The following JAML variants were observed in gnomAD, a reference collection of about 807,000 sequenced individuals.
JAML encodes junctional adhesion molecule-like.
Under a neutral mutation model 39.3 loss-of-function variants are expected in JAML, and 25 were observed. The observed-to-expected ratio is 0.64, with a 90% CI of 0.46 to 0.89. The LOEUF (loss-of-function observed/expected upper bound fraction) is 0.89. Ranked by LOEUF, JAML falls within the 40% of genes least tolerant of loss-of-function variation. The pLI is 0.00. For missense variants in JAML, 440 were observed against 486.9 expected (o/e 0.90, Z 0.91); for synonymous variants, 162 against 179.2 (o/e 0.90, Z 0.77).
chr11:118,221,413 G>A (rs1306856145), intron 1 of JAML, among the ~76,000 whole-genome samples: 2 of 152,180 alleles, frequency 1.3e-5, no homozygotes, highest in Non-Finnish European at 2.9e-5. Context: ...GGGAGGGTGG[G>A]TGATGATTTG....
chr11:118,223,026 C>T (rs1168823935), intron 1 of JAML, among the ~76,000 whole-genome samples: 2 of 135,980 alleles, frequency 1.5e-5, no homozygotes, highest in East Asian at 2.4e-4. Context: ...ACTCGGGAGG[C>T]GGAGGTTGCA....
At chr11:118,206,737 T>C (rs1327102383) in intron 4 of JAML, among the ~76,000 whole-genome samples, 8 of 152,184 alleles carry the variant, frequency 5.3e-5, no homozygotes, top group African/African-American at 1.7e-4. Context: ...TCCTAGGCTC[T>C]TCCTTCTGAC....
In JAML at chr11:118,197,927, T is replaced by C. The variant is rs773434582; in HGVS notation, c.1005+71A>G. On this transcript the variant is annotated intron_variant, in intron 8 of 9. Coordinates refer to ENST00000356289, the MANE Select transcript of JAML (RefSeq NM_001098526.2). ...GCTGCGACATACAATGGGTAAGATA[T>C]GGTTCCCGGGGGTATGAGAACGGCC... is the stretch of plus-strand genomic sequence containing the variant. 26 of 1,387,710 alleles carry C rather than the reference T, an allele frequency of 1.9e-5. No individual in the cohort carries two copies. The Middle Eastern group carries it at 5.3e-4, about 29-fold the overall frequency. 86.0% of individuals were successfully genotyped at this position (1,387,710 alleles called of 1,614,324 possible).
chr11:118,207,629 A>G (rs1209558477), intron 4 of JAML, among the ~76,000 whole-genome samples: 2 of 151,964 alleles, frequency 1.3e-5, no homozygotes, highest in Non-Finnish European at 1.5e-5. Context: ...AGAAAATTAT[A>G]GATGACTACA....
chr11:118,197,150 G>C lies in JAML; in HGVS notation c.1006-329C>G, dbSNP rs188692832. 125 of 271,736 alleles carry C rather than the reference G, an allele frequency of 4.6e-4. No individual in the cohort carries two copies. The East Asian group carries it at 5.0e-3, about 11-fold the overall frequency. 16.8% of individuals were successfully genotyped at this position (271,736 alleles called of 1,614,324 possible). A position where few individuals can be genotyped will look rare whatever the true frequency, so the allele number is the denominator to read the frequency against. ...TTATTTCCTTCTAATTACAGTAAAGGCAGAATGGCATTAATCAGCAGTGAA... is the reference window on the plus strand; with the variant it reads ...TTATTTCCTTCTAATTACAGTAAAGCCAGAATGGCATTAATCAGCAGTGAA... On this transcript the variant is annotated intron_variant, in intron 8 of 9. Transcript: ENST00000356289.
chr11:118,223,180 G>A (rs1949227540), intron 1 of JAML, among the ~76,000 whole-genome samples: 1 of 151,360 alleles, frequency 6.6e-6, no homozygotes. Context: ...TTAATCTCAT[G>A]AAAAGTTCTG....
At chr11:118,196,100 T>C (rs1948647302) in intron 9 of JAML, among the ~76,000 whole-genome samples, 1 of 151,510 alleles carries the variant, frequency 6.6e-6, no homozygotes, top group South Asian at 2.1e-4. Flanking sequence ...CCCAAAGTGC[T>C]AGGTTTACAG....
intron 1 of JAML, among the ~76,000 whole-genome samples, chr11:118,217,366 A>G (rs941181777): frequency 6.6e-6 from 1 of 152,272 alleles, no homozygotes; most frequent in Admixed American, 6.5e-5. Context: ...ACTCAGAGCC[A>G]CATCCAAACC....
chr11:118,202,749 C>T (rs941061268), intron 6 of JAML: 2 of 364,088 alleles, frequency 5.5e-6, no homozygotes, highest in Admixed American at 3.6e-5. Flanking sequence ...CCCCATCTTC[C>T]CCACCCCCAG....
chr11:118,203,762 C>A (rs1948863268), intron 5 of JAML, 97 bp from the exon 6 acceptor site: 2 of 993,374 alleles, frequency 2.0e-6, no homozygotes, highest in Non-Finnish European at 3.2e-6. Context: ...CTCCAAGGCC[C>A]TGCTAGGTGA....
In JAML at chr11:118,200,051, C is replaced by G. The variant is rs535305623; in HGVS notation, c.911+423G>C. On this transcript the variant is annotated intron_variant, in intron 7 of 9. Transcript: ENST00000356289. ...AACCTGAGGGCACCCATTCAAAGAT[C>G]GTATCTCATAATTAGAATGTGGTCT... Among the ~76,000 whole-genome samples, 3 of 152,198 alleles carry G rather than the reference C, an allele frequency of 2.0e-5. No homozygotes were observed. The South Asian group carries it at 6.2e-4, about 32-fold the overall frequency.
chr11:118,198,295 G>A (rs1459707591), intron 7 of JAML, among the ~76,000 whole-genome samples: 1 of 152,192 alleles, frequency 6.6e-6, no homozygotes, highest in African/African-American at 2.4e-5. Flanking sequence ...AAGCCGTTCT[G>A]GAGATAATTT....
At chr11:118,199,455 A>G (rs1003632857) in intron 7 of JAML, among the ~76,000 whole-genome samples, 6 of 152,158 alleles carry the variant, frequency 3.9e-5, no homozygotes, top group African/African-American at 1.4e-4. Flanking sequence ...CCCACTGGGA[A>G]AGAACACTCA....
chr11:118,200,360 A>G (rs1471204186), intron 7 of JAML, 114 bp downstream of exon 7: 1 of 1,270,400 alleles, frequency 7.9e-7, no homozygotes, highest in Non-Finnish European at 1.1e-6. Context: ...ATTTAAAAAT[A>G]CCCCCTTCTG....
At chr11:118,216,358 G>C (rs954622286) in intron 1 of JAML, among the ~76,000 whole-genome samples, 8 of 140,334 alleles carry the variant, frequency 5.7e-5, no homozygotes, top group African/African-American at 1.5e-4. Flanking sequence ...GACAGAGCGA[G>C]ACTCTGTCTC....
intron 2 of JAML, chr11:118,213,412 G>A: frequency 1.1e-6 from 1 of 890,108 alleles, no homozygotes; most frequent in East Asian, 1.2e-4. Flanking sequence ...TTCCCTGAGA[G>A]AAGACAGTTA....
chr11:118,202,391 A>G (rs186006776), intron 6 of JAML: 12 of 154,258 alleles, frequency 7.8e-5, no homozygotes, highest in African/African-American at 2.9e-4. Flanking sequence ...AGAATTGAGC[A>G]AACGTATCCA....
chr11:118,198,186 G>T, intron 7 of JAML, 95 bp from the exon 8 acceptor site: 2 of 1,012,786 alleles, frequency 2.0e-6, no homozygotes, highest in Non-Finnish European at 3.1e-6. Flanking sequence ...TGAAGAGAGA[G>T]ACACCAGAGA....
chr11:118,204,813 T>C (rs561430224), intron 5 of JAML: 29 of 152,310 alleles, frequency 1.9e-4, no homozygotes, highest in Admixed American at 6.5e-4. Context: ...GTATTCTTCA[T>C]ATAGCAGATT....
Sources: allele counts gnomAD v4.1 joint callset (sites outside exome capture counted in the v4.1 genomes callset), GRCh38; gene constraint gnomAD v4.1.1; transcripts MANE v1.5; gene names NCBI Gene and HGNC (gene_info 2026-07-23, HGNC 2026-07-21).